The following TRAK2 variants were observed in gnomAD, a reference collection of about 807,000 sequenced individuals.
TRAK2 encodes the protein trafficking kinesin protein 2.
In TRAK2, 81 loss-of-function variants were observed where a neutral mutation model predicts 104.6. The observed-to-expected ratio is 0.77, with a 90% CI of 0.65 to 0.93. TRAK2 has a LOEUF of 0.93. Ranked by LOEUF, TRAK2 falls within the 40% of genes least tolerant of loss-of-function variation. The probability of loss-of-function intolerance (pLI) is 0.00; values close to 1 mark genes in which losing one functional copy is unlikely to be tolerated. For missense variants in TRAK2, 1,002 were observed against 1,089.0 expected (o/e 0.92, Z 1.12); for synonymous variants, 406 against 394.4 (o/e 1.03, Z -0.35).
intron 1 of TRAK2, among the ~76,000 whole-genome samples, chr2:201,422,784 G>A (rs962863817): frequency 2.6e-5 from 4 of 152,102 alleles, no homozygotes; most frequent in Non-Finnish European, 5.9e-5. Context: ...GTCGGTAAGT[G>A]AGATGCTAAG....
chr2:201,395,147 CATG>C, intron 8 of TRAK2, 164 bp downstream of exon 8: 1 of 641,926 alleles, frequency 1.6e-6, no homozygotes, highest in East Asian at 2.8e-5. Flanking sequence ...AGTATTTATT[CATG>C]ATATCTTATA....
chr2:201,400,221 C>T (rs975150431), intron 4 of TRAK2, among the ~76,000 whole-genome samples: 5 of 151,992 alleles, frequency 3.3e-5, no homozygotes, highest in African/African-American at 9.7e-5. Context: ...AGTGATACTT[C>T]GCAAGGGCAT....
At chr2:201,445,277 A>G (rs1951956289) in intron 1 of TRAK2, among the ~76,000 whole-genome samples, 1 of 152,236 alleles carries the variant, frequency 6.6e-6, no homozygotes, top group Non-Finnish European at 1.5e-5. Flanking sequence ...AAATTTCAAT[A>G]CAATGACCTC....
chr2:201,419,404 A>G (rs1161064443), intron 2 of TRAK2: 2 of 154,840 alleles, frequency 1.3e-5, no homozygotes, highest in South Asian at 2.0e-4. Flanking sequence ...AAAAGAAACA[A>G]CTTCTGATAC....
intron 3 of TRAK2, among the ~76,000 whole-genome samples, chr2:201,404,306 A>G (rs960440519): frequency 6.6e-6 from 1 of 152,218 alleles, no homozygotes; most frequent in South Asian, 2.1e-4. Context: ...TAAATGATAC[A>G]GAAATTAGCA....
intron 1 of TRAK2, among the ~76,000 whole-genome samples, chr2:201,435,715 T>G (rs879704195): frequency 2.6e-5 from 4 of 152,168 alleles, no homozygotes; most frequent in Non-Finnish European, 5.9e-5. Flanking sequence ...ACTTTTTGTT[T>G]GGGAAAAGAC....
chr2:201,432,269 G>A (rs894047386), intron 1 of TRAK2, among the ~76,000 whole-genome samples: 1 of 152,156 alleles, frequency 6.6e-6, no homozygotes, highest in Non-Finnish European at 1.5e-5. Context: ...CTTACACAGA[G>A]TCCTAAATGC....
At chr2:201,430,228 A>C (rs1017670924) in intron 1 of TRAK2, among the ~76,000 whole-genome samples, 1 of 152,240 alleles carries the variant, frequency 6.6e-6, no homozygotes, top group African/African-American at 2.4e-5. Context: ...ATGAGGTGTC[A>C]GTCAGCCCCT....
intron 1 of TRAK2, among the ~76,000 whole-genome samples, chr2:201,436,537 A>T (rs1343437293): frequency 6.6e-6 from 1 of 152,258 alleles, no homozygotes; most frequent in South Asian, 2.1e-4. Flanking sequence ...CAAATCAAAT[A>T]GCTAGGAAGA....
chr2:201,425,872 T>A lies in TRAK2; in HGVS notation c.-199-5166A>T, dbSNP rs371702178. ...AACAGAGCTGCGGTTCTTTTAATCA[T>A]ATCTGAATCAAAGACCACTGCGAAA... On this transcript the variant is annotated intron_variant, in intron 1 of 15. Coordinates refer to ENST00000332624, the MANE Select transcript of TRAK2 (RefSeq NM_015049.3). Among the ~76,000 whole-genome samples, 9 of 152,342 alleles carry A rather than the reference T, an allele frequency of 5.9e-5. No individual in the cohort carries two copies. In the East Asian group the frequency reaches 1.5e-3, roughly 26 times the overall value.
chr2:201,444,344 C>T (rs1951948995), intron 1 of TRAK2, among the ~76,000 whole-genome samples: 2 of 152,094 alleles, frequency 1.3e-5, no homozygotes, highest in African/African-American at 4.8e-5. Flanking sequence ...TGCTTCTCCT[C>T]CCTCATCTTG....
intron 3 of TRAK2, among the ~76,000 whole-genome samples, chr2:201,406,695 C>T (rs1951597674): frequency 6.6e-6 from 1 of 152,194 alleles, no homozygotes; most frequent in African/African-American, 2.4e-5. Context: ...TAAATTCTAA[C>T]AGCTACTGTG....
At chr2:201,425,528 A>G (rs1951779860) in intron 1 of TRAK2, among the ~76,000 whole-genome samples, 1 of 152,034 alleles carries the variant, frequency 6.6e-6, no homozygotes, top group Non-Finnish European at 1.5e-5. Context: ...CAGCCTCCCA[A>G]GTAGCTCGTA....
At chr2:201,415,964 A>G (rs1210287536) in intron 2 of TRAK2, among the ~76,000 whole-genome samples, 1 of 152,166 alleles carries the variant, frequency 6.6e-6, no homozygotes, top group Non-Finnish European at 1.5e-5. Context: ...GGAAAAAAAG[A>G]ACATTAAAGT....
chr2:201,429,796 G>C (rs1342966210), intron 1 of TRAK2, among the ~76,000 whole-genome samples: 1 of 152,118 alleles, frequency 6.6e-6, no homozygotes, highest in Non-Finnish European at 1.5e-5. Flanking sequence ...GCTTCTTTGC[G>C]ATGGGTTCAA....
Position 201,381,190 on chromosome 2 carries a change from T to C in TRAK2, c.2098A>G (p.Ser700Gly). 1 of 1,611,484 alleles carries C rather than the reference T, an allele frequency of 6.2e-7. No individual in the cohort carries two copies. Among genetic ancestry groups the C allele is most frequent in the Non-Finnish European group, 8.5e-7 (1 of 1,178,876 alleles). Reference sequence around the variant, plus strand: ...GTGTTGGATGAACTGCTACCGCTACTTCCACAGGATAATGAAGGGAACCCA... The same window carrying C: ...GTGTTGGATGAACTGCTACCGCTACCTCCACAGGATAATGAAGGGAACCCA... Reference protein sequence around the residue: ...SSGFPSLSCGSSGSSSSNTAV... With the variant: ...SSGFPSLSCGGSGSSSSNTAV... Residue 700 changes from serine (S) to glycine (G), a missense_variant, in exon 16 of 16, where the codon AGT becomes GGT. By Grantham distance (56) the Ser-to-Gly change is moderately conservative (BLOSUM62 0). Transcript: ENST00000332624.
rs532525535 is a variant in TRAK2, at chr2:201,386,560, A to G, written c.1697-76T>C. The G allele has an allele frequency of 1.9e-4, 287 of 1,520,424 alleles. 4 individuals are homozygous for G. The South Asian group carries it at 3.1e-3, about 16-fold the overall frequency. 94.2% of individuals were successfully genotyped at this position (1,520,424 alleles called of 1,614,324 possible). A position where few individuals can be genotyped will look rare whatever the true frequency, so the allele number is the denominator to read the frequency against. ...AAATCTTAAAACACAAGCTAAAATT[A>G]TATGTGTAATAACAATAATGACAGC... On this transcript the variant is annotated intron_variant, in intron 13 of 15. Transcript: ENST00000332624.
chr2:201,427,638 G>A (rs1446221437), intron 1 of TRAK2, among the ~76,000 whole-genome samples: 4 of 152,194 alleles, frequency 2.6e-5, no homozygotes, highest in African/African-American at 7.2e-5. Context: ...ACATACACGT[G>A]CATGTGTCTG....
chr2:201,389,388 T>C lies in TRAK2; in HGVS notation c.1309A>G (p.Met437Val). The change falls in exon 12 of 16, where the codon ATG becomes GTG. Residue 437 changes from methionine to valine, a missense_variant. Coordinates refer to ENST00000332624, the MANE Select transcript of TRAK2 (RefSeq NM_015049.3). ...CCAGACTCAAAAGGTTTTGCTGTCA[T>C]GATGACACTTGAACGGTTGGAGCCT... ...IPGSNRSSVI[M>V]TAKPFESGLQ... The C allele has an allele frequency of 6.2e-7, 1 of 1,614,150 alleles. No homozygotes were observed. Among genetic ancestry groups the C allele is most frequent in the Non-Finnish European group, 8.5e-7 (1 of 1,180,034 alleles).
Sources: gnomAD v4.1 joint callset for allele counts (sites outside exome capture counted in the v4.1 genomes callset) on GRCh38, gnomAD v4.1.1 for gene constraint, MANE v1.5 for transcripts, NCBI Gene and HGNC (gene_info 2026-07-23, HGNC 2026-07-21) for gene names.